The following NTRK1 variants were observed in gnomAD, a reference collection of about 807,000 sequenced individuals.
NTRK1 encodes the protein neurotrophic receptor tyrosine kinase 1.
A neutral mutation model predicts 86.8 loss-of-function variants in NTRK1; 62 were observed. The ratio of observed to expected loss-of-function variants is 0.71; its 90% CI spans 0.58 to 0.88. The LOEUF (loss-of-function observed/expected upper bound fraction) is 0.88, where lower values mean the gene tolerates loss of function less well. Ranked by LOEUF, NTRK1 falls within the 40% of genes least tolerant of loss-of-function variation. The pLI, the probability that NTRK1 is intolerant of heterozygous loss-of-function variation, is 0.00. For missense variants in NTRK1, 967 were observed against 1,078.4 expected, an observed-to-expected ratio of 0.90 and a Z score of 1.45; for synonymous variants, 469 against 456.6, an observed-to-expected ratio of 1.03 and a Z score of -0.35.
At chr1:156,847,479 C>T (rs1018425604) in intron 2 of NTRK1, among the ~76,000 whole-genome samples, 12 of 152,090 alleles carry the variant, frequency 7.9e-5, no homozygotes, top group African/African-American at 2.9e-4. Flanking sequence ...CCATGGGAGA[C>T]AATGGAACAT....
Position 156,861,081 on chromosome 1 carries a change from A to G in NTRK1, c.147A>G (p.Arg49=), listed in dbSNP as rs2102879388. ...GCCCCCACGGCTCCTCGGGACTGCGATGCACCCGGGATGGGGCCCTGGATA... is the reference window on the plus strand; with the variant it reads ...GCCCCCACGGCTCCTCGGGACTGCGGTGCACCCGGGATGGGGCCCTGGATA... ...ACCPHGSSGL[R]CTRDGALDSL... Residue 49 remains arginine, a synonymous_variant, in exon 1 of 17, where the codon CGA becomes CGG. Coordinates refer to ENST00000524377, the MANE Select transcript of NTRK1 (RefSeq NM_002529.4). 6.3e-7 allele frequency: 1 copy of G among 1,578,776 alleles called. No homozygotes were observed. The highest frequency in any genetic ancestry group is 8.6e-7 in the Non-Finnish European group (1 of 1,166,552).
intron 1 of NTRK1, chr1:156,816,053 T>C: frequency 6.2e-7 from 1 of 1,614,074 alleles, no homozygotes; most frequent in Non-Finnish European, 8.5e-7. Flanking sequence ...ATGTCTGTGA[T>C]CTGGAAGGTG....
intron 3 of NTRK1, among the ~76,000 whole-genome samples, chr1:156,866,593 ACTTTGCCAGCTGGGGC>A (rs1203837342): frequency 6.6e-6 from 1 of 152,108 alleles, no homozygotes; most frequent in East Asian, 1.9e-4. Context: ...TGGCCTCAGC[ACTTTGCCAGCTGGGGC>A]CAAAGCAGTG....
At chr1:156,828,468 G>A (rs1239060739) in intron 1 of NTRK1, among the ~76,000 whole-genome samples, 1 of 152,234 alleles carries the variant, frequency 6.6e-6, no homozygotes, top group Non-Finnish European at 1.5e-5. Context: ...CCCTTCCAGG[G>A]AGAGGCAGCT....
chr1:156,852,157 C>G, intron 2 of NTRK1: 1 of 1,608,750 alleles, frequency 6.2e-7, no homozygotes, highest in East Asian at 2.2e-5. Flanking sequence ...ACTCGCCCCT[C>G]GCTGTGCAAG....
intron 1 of NTRK1, among the ~76,000 whole-genome samples, chr1:156,833,354 C>G (rs777110406): frequency 4.0e-4 from 61 of 152,176 alleles, no homozygotes; most frequent in Middle Eastern, 3.4e-3. Context: ...GTCAGGAGTT[C>G]GAGACCAGTC....
At position 156,875,618 on chromosome 1, in the gene NTRK1, G is replaced by C. The variant is rs1647856120; in HGVS notation, c.1453G>C (p.Gly485Arg). ...SLSPTEGKGS[G>R]LQGHIIENPQ... is the part of the protein sequence containing the mutation. ...GTCCCCCACCGAGGGCAAAGGCTCT[G>C]GGCTCCAAGGCCACATCATCGAGAA... Residue 485 changes from glycine (G) to arginine (R), a missense_variant, in exon 12 of 17, where the codon GGG becomes CGG. Coordinates refer to ENST00000524377, the MANE Select transcript of NTRK1 (RefSeq NM_002529.4). The C allele has an allele frequency of 7.4e-6, 12 of 1,613,866 alleles. No individual in the cohort carries two copies. The highest frequency in any genetic ancestry group is 1.0e-5 in the Non-Finnish European group (12 of 1,179,988).
At chr1:156,844,555 G>A (rs1004080370) in intron 2 of NTRK1, 1 of 1,614,198 alleles carries the variant, frequency 6.2e-7, no homozygotes, top group South Asian at 1.1e-5. Context: ...TTTCCAGGGG[G>A]CAGCAGGGCC....
chr1:156,846,398 G>T, intron 2 of NTRK1: 1 of 841,706 alleles, frequency 1.2e-6, no homozygotes, highest in Non-Finnish European at 1.9e-6. Context: ...CAAGCATCTG[G>T]CCTTCCAGCC....
At chr1:156,863,078 G>A (rs1655751644) in intron 1 of NTRK1, among the ~76,000 whole-genome samples, 1 of 150,272 alleles carries the variant, frequency 6.7e-6, no homozygotes, top group African/African-American at 2.5e-5. Flanking sequence ...TATTGTTGGG[G>A]TGGGGGGGGC....
At chr1:156,858,713 G>A, upstream of NTRK1, 1 of 1,074,356 alleles carries the variant, frequency 9.3e-7, no homozygotes, top group Non-Finnish European at 1.4e-6. Context: ...ACAGAGACCA[G>A]GGTTCAGATA....
chr1:156,864,997 T>A, intron 3 of NTRK1, 198 bp downstream of exon 3: 1 of 641,896 alleles, frequency 1.6e-6, no homozygotes, highest in Non-Finnish European at 2.8e-6. Context: ...CTAGAGGTCC[T>A]CCTTGCCATC....
chr1:156,845,333 A>C (rs1209626134), intron 2 of NTRK1: 1 of 1,609,016 alleles, frequency 6.2e-7, no homozygotes, highest in Non-Finnish European at 8.5e-7. Flanking sequence ...CCCAGCCCCC[A>C]AAGCCACGCC....
At chr1:156,833,571 A>G (rs1654521325) in intron 1 of NTRK1, among the ~76,000 whole-genome samples, 1 of 152,240 alleles carries the variant, frequency 6.6e-6, no homozygotes, top group African/African-American at 2.4e-5. Context: ...AAATAAACAA[A>G]AAAAAGGTGT....
chr1:156,843,494 G>A, intron 2 of NTRK1: 1 of 1,614,042 alleles, frequency 6.2e-7, no homozygotes, highest in Non-Finnish European at 8.5e-7. Context: ...AACGGGAGGT[G>A]AGGGGGTCAG....
At chr1:156,860,220 C>A (rs1655566589), upstream of NTRK1, among the ~76,000 whole-genome samples, 1 of 152,206 alleles carries the variant, frequency 6.6e-6, no homozygotes, top group Non-Finnish European at 1.5e-5. Context: ...AGGCACCCAG[C>A]GCGGGCGGGG....
upstream of NTRK1, chr1:156,860,676 G>C (rs550866804): frequency 3.7e-4 from 196 of 532,464 alleles, no homozygotes; most frequent in African/African-American, 3.7e-3. Flanking sequence ...AGCGTCTGCC[G>C]GAGCTGAGGC....
At chr1:156,868,339 G>A (rs978785375) in intron 5 of NTRK1, 90 bp downstream of exon 5, 1 of 1,564,082 alleles carries the variant, frequency 6.4e-7, no homozygotes, top group South Asian at 1.1e-5. Flanking sequence ...CACTGAAAAG[G>A]CCTGGGGAAT....
chr1:156,861,176 C>T (rs1655633749), intron 1 of NTRK1, 30 bp downstream of exon 1: 6 of 1,536,326 alleles, frequency 3.9e-6, no homozygotes, highest in African/African-American at 2.7e-5. Context: ...TGGGGGGGCG[C>T]GGGGACAGGC....
Sources: allele counts gnomAD v4.1 joint callset (sites outside exome capture counted in the v4.1 genomes callset), GRCh38; gene constraint gnomAD v4.1.1; transcripts MANE v1.5; gene names NCBI Gene and HGNC (gene_info 2026-07-23, HGNC 2026-07-21).